The following IFT56 variants were observed in gnomAD, a reference collection of about 807,000 sequenced individuals.
IFT56 encodes the protein intraflagellar transport protein 56.
chr7:139,162,240 T>A, the IFT56 span, among the ~76,000 whole-genome samples: 1 of 152,194 alleles, frequency 6.6e-6, no homozygotes, highest in Non-Finnish European at 1.5e-5. Flanking sequence ...TAATGATGCA[T>A]GGGCCCCATC....
chr7:139,170,940 T>C, the IFT56 span, among the ~76,000 whole-genome samples: 29 of 152,328 alleles, frequency 1.9e-4, no homozygotes, highest in South Asian at 5.6e-3. Flanking sequence ...TGATCTTATA[T>C]TTGGAAAAAC....
chr7:139,133,870 T>C, the IFT56 span: 16 of 1,614,080 alleles, frequency 9.9e-6, no homozygotes, highest in Middle Eastern at 9.9e-4. Flanking sequence ...GGTTAGTGGC[T>C]CTGAATAGTA....
chr7:139,173,984 T>A, the IFT56 span: 9 of 645,904 alleles, frequency 1.4e-5, no homozygotes, highest in Non-Finnish European at 2.6e-5. Context: ...AACTGCTTAA[T>A]GAATTTTCAT....
At chr7:139,179,648 G>T in the IFT56 span, 3 of 1,607,088 alleles carry the variant, frequency 1.9e-6, no homozygotes, top group African/African-American at 2.7e-5. Context: ...GGTGCTGTGA[G>T]TCTTCTTTTT....
chr7:139,161,090 A>G, the IFT56 span: 1 of 1,384,192 alleles, frequency 7.2e-7, no homozygotes, highest in Admixed American at 1.9e-5. Flanking sequence ...CAGCAATTAG[A>G]AAGATTAATA....
At chr7:139,173,794 TC>T in the IFT56 span, 3 of 746,068 alleles carry the variant, frequency 4.0e-6, no homozygotes, top group South Asian at 4.2e-5. Flanking sequence ...ACTAACCATT[TC>T]CTCCTGTTAA....
chr7:139,178,694 T>C, the IFT56 span: 1 of 1,127,028 alleles, frequency 8.9e-7, no homozygotes, highest in Non-Finnish European at 1.3e-6. Flanking sequence ...TTAAGGATTA[T>C]TAAAGATTCC....
chr7:139,168,244 T>C, the IFT56 span: 1 of 681,192 alleles, frequency 1.5e-6, no homozygotes, highest in East Asian at 2.7e-5. Context: ...GGGTAATCTT[T>C]GATACTTTAT....
the IFT56 span, among the ~76,000 whole-genome samples, chr7:139,154,687 A>T: frequency 6.6e-6 from 1 of 152,118 alleles, no homozygotes; most frequent in Admixed American, 6.6e-5. Context: ...GTTCTCTTCC[A>T]TTGGTCTATA....
At chr7:139,159,715 AC>A in the IFT56 span, among the ~76,000 whole-genome samples, 2 of 152,210 alleles carry the variant, frequency 1.3e-5, no homozygotes, top group Non-Finnish European at 2.9e-5. Flanking sequence ...CATTGTTCTC[AC>A]TAAATTTTTG....
chr7:139,159,731 G>A, the IFT56 span, among the ~76,000 whole-genome samples: 1 of 152,030 alleles, frequency 6.6e-6, no homozygotes, highest in African/African-American at 2.4e-5. Context: ...TTTTTGATTT[G>A]ATAAATACAG....
At chr7:139,178,659 C>T in the IFT56 span, 2 of 1,444,184 alleles carry the variant, frequency 1.4e-6, no homozygotes, top group Non-Finnish European at 1.9e-6. Flanking sequence ...TTATCTTTTT[C>T]TCACTGGAAT....
chr7:139,182,655 G>A, the IFT56 span, among the ~76,000 whole-genome samples: 1 of 152,156 alleles, frequency 6.6e-6, no homozygotes. Flanking sequence ...AGCAGGAGCA[G>A]CAACAGCCAA....
At chr7:139,158,775 G>A in the IFT56 span, among the ~76,000 whole-genome samples, 1 of 152,006 alleles carries the variant, frequency 6.6e-6, no homozygotes, top group Non-Finnish European at 1.5e-5. Flanking sequence ...TTACCCTGGT[G>A]TGGTGGCGTG....
the IFT56 span, among the ~76,000 whole-genome samples, chr7:139,159,816 T>A: frequency 1.3e-5 from 2 of 152,208 alleles, no homozygotes; most frequent in Non-Finnish European, 2.9e-5. Context: ...TTTAAAAAAA[T>A]TTAATTGTTT....
the IFT56 span, chr7:139,173,724 C>T: frequency 1.9e-5 from 15 of 769,552 alleles, no homozygotes; most frequent in Middle Eastern, 2.3e-4. Context: ...GCTGAAAAGG[C>T]TGCATTGAGA....
chr7:139,181,130 TATCTTAAG>T, the IFT56 span: 7 of 1,612,512 alleles, frequency 4.3e-6, no homozygotes, highest in Non-Finnish European at 5.9e-6. Context: ...CTGGGAACTT[TATCTTAAG>T]ATGGAAACCT....
the IFT56 span, chr7:139,146,975 T>C: frequency 6.6e-7 from 1 of 1,521,382 alleles, no homozygotes; most frequent in Admixed American, 2.0e-5. Flanking sequence ...TTCCATTGTT[T>C]CTTTGCAGGA....
At chr7:139,168,449 G>T in the IFT56 span, 1 of 1,396,322 alleles carries the variant, frequency 7.2e-7, no homozygotes, top group Admixed American at 1.7e-5. Flanking sequence ...TAAGTGTATG[G>T]AAGAGAACAA....
Sources: allele counts gnomAD v4.1 joint callset (sites outside exome capture counted in the v4.1 genomes callset), GRCh38; gene constraint gnomAD v4.1.1; transcripts MANE v1.5; gene names NCBI Gene and HGNC (gene_info 2026-07-23, HGNC 2026-07-21).